TENT4B: variants seen among roughly 807,000 people sequenced by gnomAD.
The protein encoded by TENT4B is PAP associated domain containing 5.
In TENT4B, 10 loss-of-function variants were observed where a neutral mutation model predicts 75.0. The observed-to-expected ratio is 0.13, with a 90% CI of 0.08 to 0.23. The LOEUF is 0.23. TENT4B is among the 10% of genes least tolerant of loss of function. TENT4B has a pLI of 1.00. For missense variants in TENT4B, 579 were observed against 893.8 expected (o/e 0.65, Z 4.49); for synonymous variants, 350 against 357.7 (o/e 0.98, Z 0.24).
rs750421152 is a variant in TENT4B at position 50,216,156 on chromosome 16, C to T, written c.891C>T (p.Val297=). 1.1e-5 allele frequency: 17 copies of T among 1,613,796 alleles called. No homozygotes were observed. In the Middle Eastern group the frequency reaches 6.6e-4, roughly 62 times the overall value. ...AAGAAGCTCTTCGGAAACACAAAGT[C>T]GCAGATGAGGATTCGGTGAAAGTTT... ...TLEEALRKHK[V]ADEDSVKVLD... is the part of the protein sequence containing the mutation. Residue 297 remains valine, a synonymous_variant, in exon 4 of 12, where the codon GTC becomes GTT. Transcript: ENST00000561678.
At chr16:50,219,565 A>G (rs961347088) in intron 5 of TENT4B, among the ~76,000 whole-genome samples, 4 of 152,192 alleles carry the variant, frequency 2.6e-5, no homozygotes, top group Non-Finnish European at 5.9e-5. Context: ...AAATGTTTGT[A>G]GAAAGATTCC....
At chr16:50,225,647 C>T (rs1317922999) in intron 10 of TENT4B, among the ~76,000 whole-genome samples, 4 of 151,946 alleles carry the variant, frequency 2.6e-5, no homozygotes, top group African/African-American at 9.7e-5. Flanking sequence ...GCTTGTGCAT[C>T]CTTGTAGCCA....
intron 1 of TENT4B, among the ~76,000 whole-genome samples, chr16:50,194,676 TC>T (rs2030092211): frequency 6.7e-6 from 1 of 149,564 alleles, no homozygotes; most frequent in African/African-American, 2.5e-5. Flanking sequence ...TCAGCACCCC[TC>T]CACCCCCACC....
intron 1 of TENT4B, among the ~76,000 whole-genome samples, chr16:50,188,483 T>C (rs2038578354): frequency 6.6e-6 from 1 of 152,194 alleles, no homozygotes; most frequent in South Asian, 2.1e-4. Context: ...TCTGGGCAGC[T>C]CTGTGTTTCT....
chr16:50,167,792 G>T (rs1174344828), intron 1 of TENT4B, among the ~76,000 whole-genome samples: 2 of 152,088 alleles, frequency 1.3e-5, no homozygotes, highest in Non-Finnish European at 2.9e-5. Flanking sequence ...GAGTAGCTCG[G>T]ATTACAGGCG....
chr16:50,212,160 A>G (rs1041386496), intron 2 of TENT4B, among the ~76,000 whole-genome samples: 2 of 152,286 alleles, frequency 1.3e-5, no homozygotes, highest in Admixed American at 1.3e-4. Context: ...TCCTGGGCTC[A>G]GGTGATCCAC....
chr16:50,222,244 T>C, intron 5 of TENT4B, 62 bp from the exon 6 acceptor site: 2 of 1,465,456 alleles, frequency 1.4e-6, no homozygotes, highest in Non-Finnish European at 1.8e-6. Flanking sequence ...TTTATGCCCC[T>C]CTTAATGCTT....
Position 50,153,518 on chromosome 16 carries a change from C to T in TENT4B, c.-104C>T, listed in dbSNP as rs1567468829. ...GCAGCAGCAGCAGCAGCGGCAGCAG[C>T]GGCAGCAGCAGCAGCAGCCGAGGCC... On this transcript the variant is annotated 5_prime_UTR_variant, in exon 1 of 12. Coordinates refer to ENST00000561678, the MANE Select transcript of TENT4B (RefSeq NM_001365324.3). 1.2e-6 allele frequency: 1 copy of T among 856,780 alleles called. No homozygotes were observed. Among genetic ancestry groups the T allele is most frequent in the Non-Finnish European group, 1.4e-6 (1 of 716,642 alleles). The allele number at this position is 856,780 out of a possible 1,614,324, so 53.1% of individuals were successfully genotyped here. A position where few individuals can be genotyped will look rare whatever the true frequency, so the allele number is the denominator to read the frequency against.
chr16:50,196,488 T>TATCATC (rs10536148), intron 1 of TENT4B, among the ~76,000 whole-genome samples: 15,523 of 149,764 alleles, frequency 0.1, 978 homozygotes, highest in African/African-American at 0.16. Flanking sequence ...AGTTTATCAT[T>TATCATC]ATCATCATCA....
chr16:50,186,102 G>A (rs2038521282), intron 1 of TENT4B, among the ~76,000 whole-genome samples: 1 of 152,000 alleles, frequency 6.6e-6, no homozygotes, highest in African/African-American at 2.4e-5. Context: ...ACAAGTCAGT[G>A]GCATTAAGTA....
intron 11 of TENT4B, 52 bp from the exon 12 acceptor site, chr16:50,229,100 C>G (rs2032182334): frequency 6.3e-7 from 1 of 1,593,248 alleles, no homozygotes; most frequent in South Asian, 1.2e-5. Context: ...TTTGAGAACA[C>G]TCTGCTTTTC....
In TENT4B at chr16:50,229,295, G is replaced by T; in HGVS notation, c.2109G>T (p.Lys703Asn). Reference protein sequence around the residue: ...QYYHGKKRKHKRDAPLSDLCR With the variant: ...QYYHGKKRKHNRDAPLSDLCR ...ACCATGGCAAAAAGAGGAAACACAA[G>T]AGGGACGCGCCCCTCTCAGACCTCT... The change falls in exon 12 of 12, where the codon AAG becomes AAT. Residue 703 changes from lysine to asparagine, a missense_variant. Lys to Asn is a moderately conservative substitution (Grantham distance 94, BLOSUM62 0). Around this residue, in one of 7 missense-constraint regions of TENT4B, gnomAD observed 164 missense variants for 226.5 expected, o/e 0.72. Transcript: ENST00000561678. 6.2e-7 allele frequency: 1 copy of T among 1,613,856 alleles called. No individual in the cohort carries two copies. Among genetic ancestry groups the T allele is most frequent in the Non-Finnish European group, 8.5e-7 (1 of 1,179,822 alleles).
At chr16:50,185,258 G>T (rs1246852178) in intron 1 of TENT4B, among the ~76,000 whole-genome samples, 1 of 152,202 alleles carries the variant, frequency 6.6e-6, no homozygotes, top group Non-Finnish European at 1.5e-5. Flanking sequence ...GAATTTACTT[G>T]TATATCGAGA....
intron 1 of TENT4B, among the ~76,000 whole-genome samples, chr16:50,178,142 C>T (rs1336491657): frequency 6.9e-5 from 8 of 115,582 alleles, no homozygotes; most frequent in Admixed American, 2.9e-4. Context: ...AGGTGGTCTA[C>T]TTTTTTTTTT....
chr16:50,212,739 T>C lies in TENT4B; in HGVS notation c.762+1293T>C, dbSNP rs149024022. 3.9e-5 allele frequency among the ~76,000 whole-genome samples: 6 copies of C among 152,296 alleles called. No homozygotes were observed. In the East Asian group the frequency reaches 9.7e-4, roughly 25 times the overall value. On this transcript the variant is annotated intron_variant, in intron 2 of 11. Transcript: ENST00000561678. Reference sequence around the variant, plus strand: ...TTGTTCTCCAGGGGGCATTTGGCAATGTCCGAGACATATTTGATTGTCCTG... The same window carrying C: ...TTGTTCTCCAGGGGGCATTTGGCAACGTCCGAGACATATTTGATTGTCCTG...
Position 50,235,195 on chromosome 16 carries a change from T to C in TENT4B, c.*5867T>C, listed in dbSNP as rs905911451. On this transcript the variant is annotated 3_prime_UTR_variant, in exon 12 of 12. Coordinates refer to ENST00000561678, the MANE Select transcript of TENT4B (RefSeq NM_001365324.3). ...TCTTCAAAGATGTCAATTATTTGCC[T>C]TGGAAATTTTATAAATTGCATTTCT... is the stretch of plus-strand genomic sequence containing the variant. The C allele has an allele frequency of 3.4e-6, 1 of 294,430 alleles. No homozygotes were observed. The highest frequency in any genetic ancestry group is 2.3e-5 in the African/African-American group (1 of 44,064). 18.2% of individuals were successfully genotyped at this position (294,430 alleles called of 1,614,324 possible). A position where few individuals can be genotyped will look rare whatever the true frequency, so the allele number is the denominator to read the frequency against.
intron 1 of TENT4B, among the ~76,000 whole-genome samples, chr16:50,179,513 T>C (rs1001798129): frequency 3.3e-5 from 5 of 152,212 alleles, no homozygotes; most frequent in African/African-American, 1.2e-4. Context: ...GTAGGATTTT[T>C]ATGTAAATAA....
intron 10 of TENT4B, among the ~76,000 whole-genome samples, chr16:50,225,885 T>C (rs2032028724): frequency 6.6e-6 from 1 of 152,068 alleles, no homozygotes; most frequent in Non-Finnish European, 1.5e-5. Context: ...GGTTTCACCA[T>C]GTTGGTCAGG....
chr16:50,230,934 A>G lies in TENT4B; in HGVS notation c.*1606A>G. ...ATTCTTTTATATATATATACATATA[A>G]AGTACTATTGGCTTTTAGGAGTTTC... is the stretch of plus-strand genomic sequence containing the variant. On this transcript the variant is annotated 3_prime_UTR_variant, in exon 12 of 12. Coordinates refer to ENST00000561678, the MANE Select transcript of TENT4B (RefSeq NM_001365324.3). The G allele has an allele frequency of 3.1e-6, 3 of 979,824 alleles. No individual in the cohort carries two copies. Among genetic ancestry groups the G allele is most frequent in the Non-Finnish European group, 3.6e-6 (3 of 824,434 alleles). 60.7% of individuals were successfully genotyped at this position (979,824 alleles called of 1,614,324 possible).
Sources: gnomAD v4.1 joint callset for allele counts (sites outside exome capture counted in the v4.1 genomes callset) on GRCh38, gnomAD v4.1.1 for gene constraint, gnomAD v4.1.1 regional missense constraint, MANE v1.5 for transcripts, NCBI Gene and HGNC (gene_info 2026-07-23, HGNC 2026-07-21) for gene names.